The following TEX101 variants were observed in gnomAD, a reference collection of about 807,000 sequenced individuals.
TEX101 encodes the protein testis-expressed protein 101.
In TEX101, 10 loss-of-function variants were observed where a neutral mutation model predicts 18.1. That is an observed-to-expected ratio of 0.55 (90% CI 0.34 to 0.94). The LOEUF is 0.94. Ranked by LOEUF, TEX101 falls within the 40% of genes least tolerant of loss-of-function variation. The pLI, the probability that TEX101 is intolerant of heterozygous loss-of-function variation, is 0.02. For synonymous variants in TEX101, 94 were observed against 114.8 expected (o/e 0.82, Z 1.16); for missense variants, 259 against 298.9 (o/e 0.87, Z 0.98).
At chr19:43,397,788 T>A (rs1014117199), upstream of TEX101, among the ~76,000 whole-genome samples, 1 of 122,424 alleles carries the variant, frequency 8.2e-6, no homozygotes, top group African/African-American at 3.0e-5. Flanking sequence ...GTATATATAT[T>A]TTTATATATT....
At chr19:43,413,372 G>T (rs1970436166), upstream of TEX101, among the ~76,000 whole-genome samples, 1 of 151,920 alleles carries the variant, frequency 6.6e-6, no homozygotes, top group African/African-American at 2.4e-5. Flanking sequence ...TGTGGTGGTG[G>T]GTGACTGTAG....
At chr19:43,397,778 G>A (rs1333689911), upstream of TEX101, among the ~76,000 whole-genome samples, 1 of 115,108 alleles carries the variant, frequency 8.7e-6, no homozygotes, top group Admixed American at 1.2e-4. Flanking sequence ...TCTTTTCCAT[G>A]TATATATATT....
chr19:43,413,539 C>T (rs965952401), upstream of TEX101, among the ~76,000 whole-genome samples: 1 of 151,426 alleles, frequency 6.6e-6, no homozygotes, highest in African/African-American at 2.4e-5. Flanking sequence ...TCAGGGAGCT[C>T]GGCTCTTAAG....
chr19:43,410,252 T>C (rs145512552), upstream of TEX101, among the ~76,000 whole-genome samples: 2 of 152,180 alleles, frequency 1.3e-5, no homozygotes, highest in East Asian at 3.9e-4. Flanking sequence ...CTGAGGGCTG[T>C]GGGCATTGGA....
At chr19:43,396,574 A>C (rs1970268014), upstream of TEX101, among the ~76,000 whole-genome samples, 1 of 152,172 alleles carries the variant, frequency 6.6e-6, no homozygotes, top group African/African-American at 2.4e-5. Context: ...CTGACACCTG[A>C]ACCCTATTTT....
chr19:43,403,350 C>T (rs528050391), intron 2 of TEX101, among the ~76,000 whole-genome samples: 1 of 152,172 alleles, frequency 6.6e-6, no homozygotes, highest in South Asian at 2.1e-4. Flanking sequence ...TGAATTATCA[C>T]AAGGACAGAA....
chr19:43,391,647 G>A, the TEX101 span, among the ~76,000 whole-genome samples: 6 of 152,058 alleles, frequency 3.9e-5, no homozygotes, highest in African/African-American at 1.2e-4. Context: ...AAACCTTCCC[G>A]GGTGCACAGA....
At chr19:43,404,385 C>T (rs1665286635) in intron 2 of TEX101, among the ~76,000 whole-genome samples, 1 of 151,844 alleles carries the variant, frequency 6.6e-6, no homozygotes, top group Admixed American at 6.6e-5. Context: ...GCTCAATAAG[C>T]CACTGAAATG....
the TEX101 span, among the ~76,000 whole-genome samples, chr19:43,393,074 G>GGGAAGGAA: frequency 0.13 from 17,355 of 129,406 alleles, 1,470 homozygotes; most frequent in Admixed American, 0.16. Flanking sequence ...AAAGAAAGAA[G>GGGAAGGAA]GGAAGGAAGG....
At chr19:43,412,077 G>A (rs535553767), upstream of TEX101, among the ~76,000 whole-genome samples, 1 of 152,276 alleles carries the variant, frequency 6.6e-6, no homozygotes, top group Admixed American at 6.5e-5. Flanking sequence ...TTTCTCAAGG[G>A]GCTGTGTATT....
intron 3 of TEX101, among the ~76,000 whole-genome samples, chr19:43,407,441 T>C (rs1970376852): frequency 6.7e-6 from 1 of 149,762 alleles, no homozygotes. Flanking sequence ...GCTGAGACGG[T>C]GTCACTGCAC....
chr19:43,410,971 G>A (rs1173260755), upstream of TEX101, among the ~76,000 whole-genome samples: 1 of 151,996 alleles, frequency 6.6e-6, no homozygotes, highest in East Asian at 1.9e-4. Context: ...CCACCTCCTG[G>A]GCTCCAGCGA....
chr19:43,401,112 C>G (rs1258663190), upstream of TEX101, among the ~76,000 whole-genome samples: 4 of 152,204 alleles, frequency 2.6e-5, no homozygotes, highest in African/African-American at 9.6e-5. Context: ...CAATCCAAGC[C>G]TCAAAATGCA....
chr19:43,388,849 C>A, the TEX101 span, among the ~76,000 whole-genome samples: 1 of 152,154 alleles, frequency 6.6e-6, no homozygotes, highest in Non-Finnish European at 1.5e-5. Context: ...GGTTTCTGGG[C>A]TGAGCAGAAA....
chr19:43,392,598 G>C, the TEX101 span, among the ~76,000 whole-genome samples: 511 of 152,128 alleles, frequency 3.4e-3, 3 homozygotes, highest in African/African-American at 7.4e-3. Flanking sequence ...GAGACACCAC[G>C]ATAGTCAAGC....
chr19:43,404,355 GCTT>G, intron 2 of TEX101, among the ~76,000 whole-genome samples: 1 of 152,244 alleles, frequency 6.6e-6, no homozygotes, highest in Non-Finnish European at 1.5e-5. Flanking sequence ...AGATGCTTCA[GCTT>G]CTTCTAGATT....
Position 43,415,985 on chromosome 19 carries a change from T to A in TEX101, c.64+2T>A. The A allele has an allele frequency of 6.2e-7, 1 of 1,613,794 alleles. No individual in the cohort carries two copies. Among genetic ancestry groups the A allele is most frequent in the Non-Finnish European group, 8.5e-7 (1 of 1,179,872 alleles). On this transcript the variant is annotated splice_donor_variant, in intron 2 of 5. Coordinates refer to ENST00000598265, the MANE Select transcript of TEX101 (RefSeq NM_001130011.3). LOFTEE classifies it high-confidence loss of function. ...TCCTAGGAGCCTCCCTCCTGACCTGTGCGTATGGGGGACATAGGGGAGAGC... is the reference window on the plus strand; with the variant it reads ...TCCTAGGAGCCTCCCTCCTGACCTGAGCGTATGGGGGACATAGGGGAGAGC...
At chr19:43,417,540 T>C (rs1327311708) in intron 4 of TEX101, among the ~76,000 whole-genome samples, 3 of 152,258 alleles carry the variant, frequency 2.0e-5, no homozygotes, top group Non-Finnish European at 4.4e-5. Context: ...CAAATTCTTT[T>C]AGGTAGTTGG....
At chr19:43,401,608 G>A (rs998415214) in intron 1 of TEX101, 1 of 152,274 alleles carries the variant, frequency 6.6e-6, no homozygotes, top group Non-Finnish European at 1.5e-5. Context: ...TATAATCCCA[G>A]AATTTTGGGA....
Sources: gnomAD v4.1 joint callset for allele counts (sites outside exome capture counted in the v4.1 genomes callset) on GRCh38, gnomAD v4.1.1 for gene constraint, MANE v1.5 for transcripts, NCBI Gene and HGNC (gene_info 2026-07-23, HGNC 2026-07-21) for gene names.